Variants in GRK5 observed in about 807,000 individuals in gnomAD.
GRK5 encodes the protein g protein-coupled receptor kinase GRK5.
Under a neutral mutation model 78.4 loss-of-function variants are expected in GRK5, and 40 were observed. The observed-to-expected ratio is 0.51, with a 90% confidence interval of 0.40 to 0.66. The LOEUF (loss-of-function observed/expected upper bound fraction) is 0.66, where lower values mean the gene tolerates loss of function less well. Ranked by LOEUF, GRK5 falls within the 30% of genes least tolerant of loss-of-function variation. GRK5 has a pLI of 0.00. For synonymous variants in GRK5, 289 were observed against 296.8 expected (o/e 0.97, Z 0.27); for missense variants, 598 against 759.9 (o/e 0.79, Z 2.50).
chr10:119,292,473 A>T (rs1046655263), intron 1 of GRK5, among the ~76,000 whole-genome samples: 23 of 152,102 alleles, frequency 1.5e-4, no homozygotes, highest in Non-Finnish European at 2.9e-4. Context: ...CAGATAATTT[A>T]AAAAAACCCA....
chr10:119,390,046 T>A (rs1851863431), intron 3 of GRK5, among the ~76,000 whole-genome samples: 1 of 152,222 alleles, frequency 6.6e-6, no homozygotes, highest in African/African-American at 2.4e-5. Flanking sequence ...GTTAAAGACC[T>A]TTCCTGGTAG....
Position 119,223,486 on chromosome 10 carries a change from C to T in GRK5, c.52+15517C>T, listed in dbSNP as rs142468440. On this transcript the variant is annotated intron_variant, in intron 1 of 15. Coordinates refer to ENST00000392870, the MANE Select transcript of GRK5 (RefSeq NM_005308.3). The stretch of plus-strand genomic sequence containing the variant: ...GAGGATGAACCAGGCGTGGGAACTG[C>T]TGCTCTATAGAACCCTGGAGCTGGT... Among the ~76,000 whole-genome samples the T allele has an allele frequency of 5.7e-3, 873 of 152,158 alleles. 10 individuals carry two copies. Among genetic ancestry groups the T allele is most frequent in the African/African-American group, 0.02 (841 of 41,520 alleles).
chr10:119,422,819 G>T (rs1388624323), intron 4 of GRK5, among the ~76,000 whole-genome samples: 2 of 152,234 alleles, frequency 1.3e-5, no homozygotes, highest in South Asian at 2.1e-4. Context: ...AGGCCATGGG[G>T]ACTGTCATTA....
At position 119,430,087 on chromosome 10, in the gene GRK5, A is replaced by G. The variant is rs1852784447; in HGVS notation, c.534-288A>G. ...AACCACATGGAGAGTGTGGTCAAGC[A>G]CCTCTGCACTCAGGTTTTTCAAGCT... On this transcript the variant is annotated intron_variant, in intron 6 of 15. Transcript: ENST00000392870. The surrounding 1 kb of genome is among the most constrained non-coding windows in gnomAD (Gnocchi z 4.5). Among the ~76,000 whole-genome samples, 1 of 152,030 alleles carries G rather than the reference A, an allele frequency of 6.6e-6. No homozygotes were observed. Among genetic ancestry groups the G allele is most frequent in the Admixed American group, 6.5e-5 (1 of 15,276 alleles).
At chr10:119,313,753 C>T (rs1850436766) in intron 1 of GRK5, among the ~76,000 whole-genome samples, 1 of 152,126 alleles carries the variant, frequency 6.6e-6, no homozygotes, top group African/African-American at 2.4e-5. Context: ...CAGAGTGCTC[C>T]TCTCTCTCAG....
intron 2 of GRK5, among the ~76,000 whole-genome samples, chr10:119,361,409 A>G (rs1851360215): frequency 6.6e-6 from 1 of 152,222 alleles, no homozygotes; most frequent in South Asian, 2.1e-4. Context: ...ACCACCATTC[A>G]TTCATTCATC....
intron 1 of GRK5, among the ~76,000 whole-genome samples, chr10:119,296,426 T>C (rs1395778668): frequency 6.6e-6 from 1 of 151,846 alleles, no homozygotes; most frequent in Non-Finnish European, 1.5e-5. Flanking sequence ...TCCACAGGAG[T>C]AAAGGGAGAG....
At chr10:119,243,129 C>T (rs889770830) in intron 1 of GRK5, among the ~76,000 whole-genome samples, 4 of 152,146 alleles carry the variant, frequency 2.6e-5, no homozygotes, top group Non-Finnish European at 4.4e-5. Flanking sequence ...CCCAACTACT[C>T]AGGAGGCTGA....
At chr10:119,234,470 A>G (rs760073417) in intron 1 of GRK5, among the ~76,000 whole-genome samples, 12 of 152,228 alleles carry the variant, frequency 7.9e-5, no homozygotes, top group Non-Finnish European at 1.6e-4. Flanking sequence ...AGACTTAGGA[A>G]TCTTGCCCAA....
intron 8 of GRK5, among the ~76,000 whole-genome samples, chr10:119,434,240 A>G (rs1852877733): frequency 6.6e-6 from 1 of 152,148 alleles, no homozygotes; most frequent in Admixed American, 6.5e-5. Flanking sequence ...GCCCCTCCCA[A>G]ATCTCATGAC....
At chr10:119,297,263 G>A (rs1282306893) in intron 1 of GRK5, among the ~76,000 whole-genome samples, 2 of 152,224 alleles carry the variant, frequency 1.3e-5, no homozygotes, top group Non-Finnish European at 1.5e-5. Context: ...TGAAGCTGTA[G>A]TGTTGGCCTA....
At chr10:119,325,735 A>G (rs180791732) in intron 1 of GRK5, among the ~76,000 whole-genome samples, 115 of 152,240 alleles carry the variant, frequency 7.6e-4, no homozygotes, top group African/African-American at 2.5e-3. Flanking sequence ...GCGCCTGTGC[A>G]CCCTGACACC....
chr10:119,251,072 T>C (rs2133753284), intron 1 of GRK5, among the ~76,000 whole-genome samples: 1 of 152,206 alleles, frequency 6.6e-6, no homozygotes. Flanking sequence ...GTGTTTTCAA[T>C]GACGAACATT....
At chr10:119,287,541 T>G (rs1849875368) in intron 1 of GRK5, among the ~76,000 whole-genome samples, 1 of 152,196 alleles carries the variant, frequency 6.6e-6, no homozygotes, top group African/African-American at 2.4e-5. Context: ...GAAATGTCAT[T>G]AGGCCCTCAA....
intron 1 of GRK5, among the ~76,000 whole-genome samples, chr10:119,295,430 G>A (rs1850063401): frequency 6.6e-6 from 1 of 152,096 alleles, no homozygotes; most frequent in African/African-American, 2.4e-5. Flanking sequence ...AGAAGTAAAA[G>A]TAGAACTACC....
intron 1 of GRK5, among the ~76,000 whole-genome samples, 176 bp downstream of exon 1, chr10:119,208,145 G>A (rs530619758): frequency 1.4e-4 from 22 of 152,376 alleles, no homozygotes; most frequent in African/African-American, 5.3e-4. Context: ...CTGCCTTGGG[G>A]CTCAGAGAAT....
intron 1 of GRK5, among the ~76,000 whole-genome samples, chr10:119,262,312 A>C: frequency 6.8e-6 from 1 of 147,720 alleles, no homozygotes; most frequent in African/African-American, 2.5e-5. Context: ...ATTATATATG[A>C]ATGTTTTTAA....
intron 1 of GRK5, among the ~76,000 whole-genome samples, chr10:119,288,868 AC>A (rs1430351761): frequency 2.6e-5 from 4 of 152,220 alleles, no homozygotes; most frequent in Non-Finnish European, 2.9e-5. Flanking sequence ...TGTCTGAGCT[AC>A]TAACCTCCCA....
intron 1 of GRK5, among the ~76,000 whole-genome samples, chr10:119,250,168 A>T (rs1849177833): frequency 1.3e-5 from 2 of 152,142 alleles, no homozygotes; most frequent in African/African-American, 4.8e-5. Context: ...TTGTTTGTTG[A>T]GTGAGAGTCT....
Sources: gnomAD v4.1 joint callset for allele counts (sites outside exome capture counted in the v4.1 genomes callset) on GRCh38, gnomAD v4.1.1 for gene constraint, Gnocchi (gnomAD v3.1) non-coding constraint, MANE v1.5 for transcripts, NCBI Gene and HGNC (gene_info 2026-07-23, HGNC 2026-07-21) for gene names.